Variants in NCALD observed in about 807,000 individuals in gnomAD.
The protein encoded by NCALD is neurocalcin-delta.
NCALD carries 10 observed loss-of-function variants against 18.6 expected under a neutral mutation model. The observed-to-expected ratio is 0.54, with a 90% confidence interval of 0.33 to 0.91. The LOEUF is 0.91. Ranked by LOEUF, NCALD falls within the 40% of genes least tolerant of loss-of-function variation. The probability of loss-of-function intolerance (pLI) is 0.03; values close to 1 mark genes in which losing one functional copy is unlikely to be tolerated. For synonymous variants in NCALD, 88 were observed against 87.4 expected, an observed-to-expected ratio of 1.01 and a Z score of -0.04; for missense variants, 184 against 247.6, an observed-to-expected ratio of 0.74 and a Z score of 1.72.
chr8:101,964,252 T>C (rs1158401678), intron 2 of NCALD, among the ~76,000 whole-genome samples: 1 of 152,194 alleles, frequency 6.6e-6, no homozygotes, highest in African/African-American at 2.4e-5. Flanking sequence ...CTTATATTAA[T>C]CTACTTTCTT....
intron 1 of NCALD, among the ~76,000 whole-genome samples, chr8:101,778,344 A>G (rs1425098118): frequency 2.6e-5 from 4 of 152,196 alleles, no homozygotes; most frequent in Non-Finnish European, 5.9e-5. Flanking sequence ...CCCTTCATTT[A>G]TAAATATGAT....
intron 2 of NCALD, among the ~76,000 whole-genome samples, chr8:101,955,810 T>C (rs1819602111): frequency 6.6e-6 from 1 of 152,208 alleles, no homozygotes; most frequent in Non-Finnish European, 1.5e-5. Flanking sequence ...AATTTATATA[T>C]AGACTGTAGC....
At chr8:101,747,246 T>C (rs966747026) in intron 1 of NCALD, among the ~76,000 whole-genome samples, 6 of 152,182 alleles carry the variant, frequency 3.9e-5, no homozygotes, top group East Asian at 1.9e-4. Context: ...AAGCCAATGA[T>C]AGTGGTTGCA....
chr8:101,927,427 G>A (rs981685831), intron 2 of NCALD, among the ~76,000 whole-genome samples: 4 of 152,240 alleles, frequency 2.6e-5, no homozygotes, highest in African/African-American at 4.8e-5. Context: ...CTGAGATGCA[G>A]CGTAGCAGAG....
intron 1 of NCALD, among the ~76,000 whole-genome samples, chr8:102,054,660 C>CAATAGATACATAGATA (rs59558185): frequency 1.4e-5 from 2 of 142,406 alleles, no homozygotes; most frequent in East Asian, 4.2e-4. Flanking sequence ...CTTTCTCTTC[C>CAATAGATACATAGATA]GATAGATAGA....
intron 1 of NCALD, among the ~76,000 whole-genome samples, chr8:101,761,167 T>A (rs1047141000): frequency 1.3e-5 from 2 of 152,114 alleles, no homozygotes; most frequent in African/African-American, 4.8e-5. Context: ...CTGGTTCCCA[T>A]GAATCATGAT....
chr8:101,970,480 T>C (rs186665008), intron 2 of NCALD, among the ~76,000 whole-genome samples: 8 of 152,304 alleles, frequency 5.3e-5, no homozygotes, highest in African/African-American at 1.7e-4. Context: ...TGTAGAATTT[T>C]TGTGGCCCCA....
chr8:101,691,950 T>G, intron 3 of NCALD: 1 of 985,446 alleles, frequency 1.0e-6, no homozygotes, highest in Non-Finnish European at 1.2e-6. Flanking sequence ...AGCTGAGCTC[T>G]TTAAACTCAA....
intron 4 of NCALD, among the ~76,000 whole-genome samples, chr8:101,806,336 C>T (rs569357532): frequency 5.3e-5 from 8 of 151,432 alleles, no homozygotes; most frequent in South Asian, 4.2e-4. Flanking sequence ...AACTCATACA[C>T]GGGAAAAAAA....
chr8:102,057,839 C>G (rs1110078), intron 1 of NCALD, among the ~76,000 whole-genome samples: 102,898 of 152,128 alleles, frequency 0.68, 35,554 homozygotes, highest in East Asian at 0.88. Context: ...ATTCAAGGTA[C>G]TTTTGAGGCA....
intron 1 of NCALD, among the ~76,000 whole-genome samples, chr8:102,041,465 G>T (rs965847620): frequency 2.6e-5 from 4 of 152,228 alleles, no homozygotes; most frequent in Non-Finnish European, 5.9e-5. Flanking sequence ...GGAACTGCAG[G>T]ATCTAAGGTG....
chr8:101,698,115 T>A (rs770481467), intron 2 of NCALD, among the ~76,000 whole-genome samples: 1 of 152,074 alleles, frequency 6.6e-6, no homozygotes, highest in Admixed American at 6.5e-5. Context: ...TGTGGAAAAA[T>A]CACAAGCATT....
intron 1 of NCALD, among the ~76,000 whole-genome samples, chr8:102,038,258 C>T (rs567020483): frequency 1.8e-4 from 28 of 152,276 alleles, no homozygotes; most frequent in African/African-American, 6.0e-4. Context: ...GAAATTAAAC[C>T]AGTACCTTCC....
intron 4 of NCALD, among the ~76,000 whole-genome samples, chr8:101,865,997 T>C (rs1294471199): frequency 6.6e-6 from 1 of 152,200 alleles, no homozygotes; most frequent in East Asian, 1.9e-4. Context: ...CTCTACTTCC[T>C]AGTGCTCCAG....
intron 1 of NCALD, among the ~76,000 whole-genome samples, chr8:101,773,302 G>A (rs748559188): frequency 1.6e-4 from 24 of 152,122 alleles, no homozygotes; most frequent in Admixed American, 3.9e-4. Context: ...TCAGTTCAGC[G>A]CACAATACCG....
intron 2 of NCALD, among the ~76,000 whole-genome samples, chr8:101,695,203 G>A (rs765307635): frequency 1.4e-4 from 21 of 152,218 alleles, no homozygotes; most frequent in Non-Finnish European, 1.8e-4. Context: ...AAAGGAGAGC[G>A]CATGGAGCTG....
chr8:101,751,127 G>A (rs181578568), intron 1 of NCALD, among the ~76,000 whole-genome samples: 3 of 152,152 alleles, frequency 2.0e-5, no homozygotes, highest in Admixed American at 6.5e-5. Context: ...AAACAAATGC[G>A]GCAGATACAT....
intron 1 of NCALD, among the ~76,000 whole-genome samples, chr8:101,762,070 A>G (rs1180390488): frequency 6.6e-6 from 1 of 152,192 alleles, no homozygotes; most frequent in East Asian, 1.9e-4. Flanking sequence ...AGACAGCAAG[A>G]GAAAGAACCC....
At chr8:101,869,700 C>T (rs920500300) in intron 4 of NCALD, among the ~76,000 whole-genome samples, 1 of 152,134 alleles carries the variant, frequency 6.6e-6, no homozygotes, top group African/African-American at 2.4e-5. Flanking sequence ...GCTCAAAGTA[C>T]TGTTTTAATA....
Sources: gnomAD v4.1 joint callset for allele counts (sites outside exome capture counted in the v4.1 genomes callset) on GRCh38, gnomAD v4.1.1 for gene constraint, MANE v1.5 for transcripts, NCBI Gene and HGNC (gene_info 2026-07-23, HGNC 2026-07-21) for gene names.